TMEM244: variants seen among roughly 807,000 people sequenced by gnomAD.
TMEM244 encodes the protein putative transmembrane protein 244.
Under a neutral mutation model 15.8 loss-of-function variants are expected in TMEM244, and 13 were observed. The ratio of observed to expected loss-of-function variants is 0.82; its 90% CI spans 0.53 to 1.30. The LOEUF (loss-of-function observed/expected upper bound fraction) is 1.30. Among genes scored for constraint, TMEM244 ranks in the 50% most tolerant of loss-of-function variants. TMEM244 has a pLI of 0.00. For synonymous variants in TMEM244, 45 were observed against 48.7 expected (o/e 0.92, Z 0.32); for missense variants, 161 against 144.9 (o/e 1.11, Z -0.57).
chr6:129,855,669 T>A (rs148188627), intron 1 of TMEM244, among the ~76,000 whole-genome samples: 1 of 152,332 alleles, frequency 6.6e-6, no homozygotes, highest in East Asian at 1.9e-4. Context: ...ATTTGTCTGA[T>A]GGTTTCCTCA....
chr6:129,848,435 G>A (rs1025991841), intron 1 of TMEM244, among the ~76,000 whole-genome samples: 2 of 152,118 alleles, frequency 1.3e-5, no homozygotes, highest in Non-Finnish European at 2.9e-5. Context: ...CTGCGCTTCC[G>A]GGGACAGGCA....
Position 129,841,630 on chromosome 6 carries a change from T to A in TMEM244, c.193+1900A>T, listed in dbSNP as rs77033832. Among the ~76,000 whole-genome samples the A allele has an allele frequency of 2.6e-5, 4 of 152,274 alleles. No individual in the cohort carries two copies. The East Asian group carries it at 7.7e-4, about 29-fold the overall frequency. On this transcript the variant is annotated intron_variant, in intron 3 of 4. Transcript: ENST00000368143. ...TTTTAACTTTCAGGTCAGTCTGTTT[T>A]CTTCTCCATAAATTGGAATATGGAG...
At chr6:129,857,797 T>TA (rs1179301634) in intron 1 of TMEM244, among the ~76,000 whole-genome samples, 2 of 149,150 alleles carry the variant, frequency 1.3e-5, no homozygotes, top group Non-Finnish European at 3.0e-5. Flanking sequence ...TGTGTGGTTT[T>TA]TTATATATAT....
In TMEM244 at chr6:129,836,607, T is replaced by C. The variant is rs190651267; in HGVS notation, c.194-3022A>G. ...ACAGAAGTAGGCTTCAGAAACCTAC[T>C]TGGTAATAACAAACTTCTCTGAGAT... On this transcript the variant is annotated intron_variant, in intron 3 of 4. Coordinates refer to ENST00000368143, the MANE Select transcript of TMEM244 (RefSeq NM_001010876.2). 8.9e-4 allele frequency among the ~76,000 whole-genome samples: 135 copies of C among 152,298 alleles called. 1 individual carries two copies. Among genetic ancestry groups the C allele is most frequent in the Non-Finnish European group, 1.7e-3 (113 of 68,022 alleles).
intron 3 of TMEM244, among the ~76,000 whole-genome samples, chr6:129,841,509 G>T (rs962710011): frequency 6.6e-6 from 1 of 151,832 alleles, no homozygotes. Context: ...ACATGGCACA[G>T]GTATACCTAT....
chr6:129,848,716 G>C (rs982789819), intron 1 of TMEM244, among the ~76,000 whole-genome samples: 1 of 152,178 alleles, frequency 6.6e-6, no homozygotes, highest in African/African-American at 2.4e-5. Context: ...ATGTAATAGG[G>C]AGCATCTTGG....
At chr6:129,842,631 A>C (rs1289117861) in intron 3 of TMEM244, among the ~76,000 whole-genome samples, 1 of 152,120 alleles carries the variant, frequency 6.6e-6, no homozygotes, top group East Asian at 1.9e-4. Flanking sequence ...AGTACATTAA[A>C]AAACAAGAAT....
chr6:129,859,075 T>A (rs756505763), intron 1 of TMEM244, among the ~76,000 whole-genome samples: 1 of 152,120 alleles, frequency 6.6e-6, no homozygotes, highest in Non-Finnish European at 1.5e-5. Context: ...ATTACAGGCA[T>A]GAGCCACCAC....
intron 3 of TMEM244, among the ~76,000 whole-genome samples, chr6:129,834,196 GA>G (rs1378522252): frequency 6.6e-6 from 1 of 152,198 alleles, no homozygotes; most frequent in Non-Finnish European, 1.5e-5. Context: ...TAGTTTACCT[GA>G]ACACGTATAA....
At chr6:129,861,071 A>C in intron 1 of TMEM244, 85 bp downstream of exon 1, 16 of 1,467,126 alleles carry the variant, frequency 1.1e-5, no homozygotes, top group Non-Finnish European at 1.4e-5. Context: ...GCCCACTGAC[A>C]GAGAGGCCAT....
In TMEM244 at chr6:129,858,599, T is replaced by G. The variant is rs529443264; in HGVS notation, c.33+2557A>C. ...TATAGATCTCATCAAATTTGTATTGTAGCATACCTACTTTTGGAGGTATAC... is the reference window on the plus strand; with the variant it reads ...TATAGATCTCATCAAATTTGTATTGGAGCATACCTACTTTTGGAGGTATAC... On this transcript the variant is annotated intron_variant, in intron 1 of 4. Transcript: ENST00000368143. Among the ~76,000 whole-genome samples the G allele has an allele frequency of 3.9e-5, 6 of 152,334 alleles. No homozygotes were observed. The East Asian group carries it at 1.2e-3, about 29-fold the overall frequency.
intron 1 of TMEM244, among the ~76,000 whole-genome samples, chr6:129,854,946 A>C (rs565342892): frequency 1.3e-5 from 2 of 152,210 alleles, no homozygotes; most frequent in Non-Finnish European, 2.9e-5. Context: ...GCTCACATAC[A>C]TGGCCTTTAA....
chr6:129,855,213 T>C (rs571798053), intron 1 of TMEM244, among the ~76,000 whole-genome samples: 2 of 152,280 alleles, frequency 1.3e-5, no homozygotes, highest in African/African-American at 4.8e-5. Context: ...TCACTAACAA[T>C]AAAGAAACAC....
At chr6:129,833,681 A>G (rs1776362557) in intron 3 of TMEM244, 96 bp from the exon 4 acceptor site, 2 of 1,298,054 alleles carry the variant, frequency 1.5e-6, no homozygotes, top group African/African-American at 1.5e-5. Context: ...TACTTTGAGA[A>G]TAAATTTTGG....
intron 1 of TMEM244, among the ~76,000 whole-genome samples, chr6:129,853,921 A>G (rs1776669727): frequency 2.6e-5 from 4 of 152,162 alleles, no homozygotes; most frequent in Admixed American, 6.6e-5. Flanking sequence ...GACGGGGCAT[A>G]ATTCAAAACG....
intron 3 of TMEM244, among the ~76,000 whole-genome samples, chr6:129,836,296 A>G (rs918641007): frequency 5.9e-5 from 9 of 152,342 alleles, no homozygotes; most frequent in African/African-American, 1.9e-4. Context: ...GTGGACCTCC[A>G]GCAAACCCCA....
At chr6:129,840,119 C>T (rs1776467223) in intron 3 of TMEM244, among the ~76,000 whole-genome samples, 1 of 152,182 alleles carries the variant, frequency 6.6e-6, no homozygotes, top group East Asian at 1.9e-4. Context: ...CCCACATAGC[C>T]AAGACAATCC....
chr6:129,843,988 G>T (rs959930430), intron 2 of TMEM244, among the ~76,000 whole-genome samples: 2 of 152,128 alleles, frequency 1.3e-5, no homozygotes, highest in African/African-American at 4.8e-5. Flanking sequence ...CCTAAATGGT[G>T]CTATAACATA....
intron 3 of TMEM244, among the ~76,000 whole-genome samples, chr6:129,840,711 G>A (rs1422259581): frequency 6.6e-6 from 1 of 152,056 alleles, no homozygotes; most frequent in East Asian, 1.9e-4. Flanking sequence ...AATCTACAAA[G>A]AACTTAAACA....
Sources: allele counts gnomAD v4.1 joint callset (sites outside exome capture counted in the v4.1 genomes callset), GRCh38; gene constraint gnomAD v4.1.1; transcripts MANE v1.5; gene names NCBI Gene and HGNC (gene_info 2026-07-23, HGNC 2026-07-21).